The following ZMYND11 variants were observed in gnomAD, a reference collection of about 807,000 sequenced individuals.
ZMYND11 encodes the protein zinc finger MYND-type containing 11.
ZMYND11 carries 9 observed loss-of-function variants against 84.9 expected under a neutral mutation model. That is an observed-to-expected ratio of 0.11 (90% CI 0.06 to 0.18). The LOEUF (loss-of-function observed/expected upper bound fraction) is 0.18, where lower values mean the gene tolerates loss of function less well. Ranked by LOEUF, ZMYND11 falls within the 10% of genes least tolerant of loss-of-function variation. The probability of loss-of-function intolerance (pLI) is 1.00; values close to 1 mark genes in which losing one functional copy is unlikely to be tolerated. For synonymous variants in ZMYND11, 250 were observed against 244.1 expected, an observed-to-expected ratio of 1.02 and a Z score of -0.23; for missense variants, 409 against 761.0, an observed-to-expected ratio of 0.54 and a Z score of 5.44.
Position 254,137 on chromosome 10 carries a change from G to A in ZMYND11, c.*1667G>A, listed in dbSNP as rs576975361. ...GCGCTGATGGAGATGTCAGAACCGA[G>A]AACACTTAACCTTCTTTGATTGTTT... On this transcript the variant is annotated 3_prime_UTR_variant, in exon 15 of 15. Transcript: ENST00000381604. 1 of 152,558 alleles carries A rather than the reference G, an allele frequency of 6.6e-6. No homozygotes were observed. Among genetic ancestry groups the A allele is most frequent in the Non-Finnish European group, 1.5e-5 (1 of 68,034 alleles). The allele number at this position is 152,558 out of a possible 1,614,324, so 9.5% of individuals were successfully genotyped here. A position where few individuals can be genotyped will look rare whatever the true frequency, so the allele number is the denominator to read the frequency against.
At chr10:182,532 G>A (rs1160072729) in intron 2 of ZMYND11, among the ~76,000 whole-genome samples, 1 of 152,146 alleles carries the variant, frequency 6.6e-6, no homozygotes, top group Admixed American at 6.5e-5. Flanking sequence ...AGAATCAGAG[G>A]TTAAGTGCTT....
At chr10:209,021 A>T (rs111428804) in intron 2 of ZMYND11, among the ~76,000 whole-genome samples, 1 of 150,748 alleles carries the variant, frequency 6.6e-6, no homozygotes, top group African/African-American at 2.5e-5. Context: ...GTGTGTGTGT[A>T]TATATATATG....
intron 1 of ZMYND11, among the ~76,000 whole-genome samples, chr10:174,373 C>A (rs1846070812): frequency 6.6e-6 from 1 of 152,178 alleles, no homozygotes; most frequent in South Asian, 2.1e-4. Flanking sequence ...AGTAAAAAGA[C>A]CAGTGGTTGC....
chr10:184,023 T>C (rs962519702), intron 2 of ZMYND11, among the ~76,000 whole-genome samples: 1 of 152,210 alleles, frequency 6.6e-6, no homozygotes, highest in African/African-American at 2.4e-5. Context: ...ATGAAATGCA[T>C]ATACTTTTAA....
chr10:234,400 T>A (rs1476632219), intron 4 of ZMYND11, among the ~76,000 whole-genome samples: 3 of 152,244 alleles, frequency 2.0e-5, no homozygotes, highest in Non-Finnish European at 4.4e-5. Context: ...GATTCCTGCC[T>A]TGTTGAAATG....
At chr10:181,919 G>A (rs376907778) in intron 2 of ZMYND11, among the ~76,000 whole-genome samples, 5 of 151,986 alleles carry the variant, frequency 3.3e-5, no homozygotes, top group African/African-American at 9.7e-5. Flanking sequence ...AAAACTCAGA[G>A]TACAAAACAG....
intron 3 of ZMYND11, among the ~76,000 whole-genome samples, chr10:218,174 C>T (rs537737611): frequency 3.9e-5 from 6 of 152,088 alleles, no homozygotes; most frequent in Non-Finnish European, 7.4e-5. Context: ...GGTACATTGG[C>T]GGGAGATTTT....
At chr10:188,611 T>A (rs34837894) in intron 2 of ZMYND11, among the ~76,000 whole-genome samples, 1,511 of 91,204 alleles carry the variant, frequency 0.017, 26 homozygotes, top group Non-Finnish European at 0.033. Context: ...AAAAAAAAAA[T>A]TTCCCAGTAT....
intron 2 of ZMYND11, among the ~76,000 whole-genome samples, chr10:194,753 T>A (rs1941336472): frequency 6.6e-6 from 1 of 152,214 alleles, no homozygotes; most frequent in African/African-American, 2.4e-5. Flanking sequence ...ATGGAGTTAG[T>A]TTATTTCAGT....
At position 248,621 on chromosome 10, in the gene ZMYND11, G is replaced by T. The variant is rs753513169; in HGVS notation, c.1500+13G>T. ...AGCTCTGGAGAAGGTAATGCTTGTC[G>T]CCACTGTGGGTGCCCTGCTGCAGCC... On this transcript the variant is annotated intron_variant, in intron 13 of 14. Coordinates refer to ENST00000381604, the MANE Select transcript of ZMYND11 (RefSeq NM_001370100.5). The T allele has an allele frequency of 6.3e-7, 1 of 1,585,052 alleles. No individual in the cohort carries two copies. The highest frequency in any genetic ancestry group is 1.3e-5 in the African/African-American group (1 of 74,706).
chr10:248,944 T>C lies in ZMYND11; in HGVS notation c.1542T>C (p.Asn514=). 1.2e-6 allele frequency: 2 copies of C among 1,614,032 alleles called. No homozygotes were observed. The highest frequency in any genetic ancestry group is 8.5e-7 in the Non-Finnish European group (1 of 1,179,970). ...EMEEEKRQAV[N]KAVANMQGEM... is the part of the protein sequence containing the mutation. Reference sequence around the variant, plus strand: ...AAGAAGAAAAGAGACAAGCTGTAAATAAAGCTGTAGCCAACATGCAGGGTG... The same window carrying C: ...AAGAAGAAAAGAGACAAGCTGTAAACAAAGCTGTAGCCAACATGCAGGGTG... Residue 514 remains asparagine, a synonymous_variant, in exon 14 of 15, where the codon AAT becomes AAC. Coordinates refer to ENST00000381604, the MANE Select transcript of ZMYND11 (RefSeq NM_001370100.5).
rs1168535929 is a variant in ZMYND11 at position 242,255 on chromosome 10, C to A, written c.950+116C>A. ...TTTATTTTAAATTGGAAAAAAAAAA[C>A]ACATTATGCATCCAAGAATACGTTC... On this transcript the variant is annotated intron_variant, in intron 10 of 14. Transcript: ENST00000381604. The A allele has an allele frequency of 1.2e-5, 13 of 1,104,394 alleles. No individual in the cohort carries two copies. The Admixed American group carries it at 1.3e-4, about 11-fold the overall frequency. 68.4% of individuals were successfully genotyped at this position (1,104,394 alleles called of 1,614,324 possible). A position where few individuals can be genotyped will look rare whatever the true frequency, so the allele number is the denominator to read the frequency against.
intron 2 of ZMYND11, among the ~76,000 whole-genome samples, chr10:207,704 G>A (rs1944435838): frequency 6.6e-6 from 1 of 152,132 alleles, no homozygotes; most frequent in Admixed American, 6.5e-5. Context: ...TCAATATCGT[G>A]AAAATGGCCA....
At chr10:163,558 T>C (rs1184085910) in intron 1 of ZMYND11, among the ~76,000 whole-genome samples, 2 of 152,210 alleles carry the variant, frequency 1.3e-5, no homozygotes, top group Non-Finnish European at 2.9e-5. Context: ...TTCCTACTTA[T>C]AATATCCTAT....
chr10:210,585 T>C (rs1945033048), intron 3 of ZMYND11, among the ~76,000 whole-genome samples: 1 of 152,310 alleles, frequency 6.6e-6, no homozygotes. Flanking sequence ...GGAACAGAAA[T>C]CAAATAGGAA....
intron 1 of ZMYND11, among the ~76,000 whole-genome samples, chr10:177,858 G>A (rs1207537615): frequency 6.6e-6 from 1 of 151,906 alleles, no homozygotes; most frequent in African/African-American, 2.4e-5. Flanking sequence ...ACTACTACTT[G>A]CGTAAAATAT....
intron 2 of ZMYND11, among the ~76,000 whole-genome samples, chr10:208,927 T>C (rs1944674585): frequency 6.6e-6 from 1 of 152,106 alleles, no homozygotes; most frequent in Non-Finnish European, 1.5e-5. Flanking sequence ...TCACACTATG[T>C]TTTTTATCTG....
chr10:249,319 A>C, intron 14 of ZMYND11: 2 of 1,358,572 alleles, frequency 1.5e-6, no homozygotes, highest in African/African-American at 2.9e-5. Flanking sequence ...TTGAGATTAT[A>C]ATACCTTAGT....
intron 2 of ZMYND11, among the ~76,000 whole-genome samples, chr10:196,078 C>A (rs1236999512): frequency 6.6e-6 from 1 of 152,146 alleles, no homozygotes; most frequent in Admixed American, 6.5e-5. Flanking sequence ...ATGACCCATT[C>A]CACTGTTTTA....
Sources: allele counts gnomAD v4.1 joint callset (sites outside exome capture counted in the v4.1 genomes callset), GRCh38; gene constraint gnomAD v4.1.1; transcripts MANE v1.5; gene names NCBI Gene and HGNC (gene_info 2026-07-23, HGNC 2026-07-21).